The following KCNN2 variants were observed in gnomAD, a reference collection of about 807,000 sequenced individuals.
The protein encoded by KCNN2 is small conductance calcium-activated potassium channel protein 2.
In KCNN2, 24 loss-of-function variants were observed where a neutral mutation model predicts 55.5. The ratio of observed to expected loss-of-function variants is 0.43; its 90% CI spans 0.31 to 0.61. The LOEUF is 0.61. Among genes scored for constraint, KCNN2 ranks in the 20% least tolerant of loss-of-function variants. KCNN2 has a pLI of 0.08. For synonymous variants in KCNN2, 431 were observed against 336.1 expected (o/e 1.28, Z -3.09); for missense variants, 754 against 853.6 (o/e 0.88, Z 1.45).
intron 2 of KCNN2, among the ~76,000 whole-genome samples, chr5:114,243,264 T>G (rs1754680157): frequency 6.6e-6 from 1 of 152,172 alleles, no homozygotes; most frequent in South Asian, 2.1e-4. Flanking sequence ...CTGTGTAACA[T>G]AGCAACTCAC....
intron 2 of KCNN2, among the ~76,000 whole-genome samples, chr5:114,345,503 G>T (rs1757089440): frequency 6.6e-6 from 1 of 152,124 alleles, no homozygotes; most frequent in African/African-American, 2.4e-5. Flanking sequence ...CCAGGATGTA[G>T]GTGAAATAAA....
At chr5:114,141,518 G>A (rs914078264) in intron 1 of KCNN2, among the ~76,000 whole-genome samples, 3 of 152,016 alleles carry the variant, frequency 2.0e-5, no homozygotes, top group African/African-American at 4.8e-5. Context: ...CAATTTCTTA[G>A]TCCAGTCTAT....
At chr5:114,079,229 T>G (rs75071785) in intron 1 of KCNN2, among the ~76,000 whole-genome samples, 2,384 of 152,286 alleles carry the variant, frequency 0.016, 56 homozygotes, top group African/African-American at 0.054. Flanking sequence ...TAATGATTTT[T>G]GCAATTCAGA....
chr5:114,272,421 A>ATATATG (rs869259226), intron 2 of KCNN2, among the ~76,000 whole-genome samples: 677 of 10,818 alleles, frequency 0.063, 59 homozygotes, highest in Middle Eastern at 0.1. Flanking sequence ...ATCTACACAC[A>ATATATG]TATGTACGTA....
At chr5:114,266,010 A>G (rs1252581149) in intron 2 of KCNN2, among the ~76,000 whole-genome samples, 2 of 152,220 alleles carry the variant, frequency 1.3e-5, no homozygotes, top group African/African-American at 2.4e-5. Flanking sequence ...AGCCACATGC[A>G]TAATGTTAGT....
chr5:114,074,329 T>TGTGTGTGTGTGCGC (rs1200712655), intron 1 of KCNN2, among the ~76,000 whole-genome samples: 1 of 138,668 alleles, frequency 7.2e-6, no homozygotes, highest in African/African-American at 2.9e-5. Context: ...TGTGTGTGTG[T>TGTGTGTGTGTGCGC]GCGCGCGCGC....
At chr5:114,133,203 A>AT (rs368521404) in intron 1 of KCNN2, among the ~76,000 whole-genome samples, 42 of 149,384 alleles carry the variant, frequency 2.8e-4, no homozygotes, top group Middle Eastern at 3.4e-3. Context: ...TTCCCATCAG[A>AT]TTTTTTTTTT....
Position 114,473,169 on chromosome 5 carries a change from GT to G in KCNN2, c.1890+7del. On this transcript the variant is annotated splice_donor_region_variant and intron_variant, in intron 5 of 7. Transcript: ENST00000673685. Reference sequence around the variant, plus strand: ...GATACTCAGCTGACTAAAAGAGTAAGTTACTATCCATATATCTTCAAAGAGA... The same window carrying G: ...GATACTCAGCTGACTAAAAGAGTAAGTACTATCCATATATCTTCAAAGAGA... 6.6e-7 allele frequency: 1 copy of G among 1,509,576 alleles called. No homozygotes were observed. The highest frequency in any genetic ancestry group is 9.2e-7 in the Non-Finnish European group (1 of 1,088,172). The allele number at this position is 1,509,576 out of a possible 1,614,324, so 93.5% of individuals were successfully genotyped here.
intron 2 of KCNN2, among the ~76,000 whole-genome samples, chr5:114,292,509 T>C (rs1048967267): frequency 3.9e-5 from 6 of 152,284 alleles, no homozygotes; most frequent in African/African-American, 1.4e-4. Flanking sequence ...TGTAGATATG[T>C]GGCATTATTT....
At chr5:114,202,290 C>T (rs1753688292) in intron 1 of KCNN2, among the ~76,000 whole-genome samples, 1 of 152,034 alleles carries the variant, frequency 6.6e-6, no homozygotes, top group Non-Finnish European at 1.5e-5. Context: ...CTGAGGGTTT[C>T]TCTCACAGCC....
At chr5:114,446,886 A>G (rs1044497540) in intron 3 of KCNN2, among the ~76,000 whole-genome samples, 1 of 152,204 alleles carries the variant, frequency 6.6e-6, no homozygotes, top group Non-Finnish European at 1.5e-5. Context: ...TGGGTGACAG[A>G]GCAAGACTCT....
intron 2 of KCNN2, among the ~76,000 whole-genome samples, chr5:114,355,290 C>T (rs1359686752): frequency 1.3e-5 from 2 of 152,132 alleles, no homozygotes; most frequent in Admixed American, 1.3e-4. Context: ...AGAGAACTTA[C>T]AGGGCTGTGA....
At position 114,089,259 on chromosome 5, in the gene KCNN2, T is replaced by C. The variant is rs1396865269; in HGVS notation, c.-271+32759T>C. 2.0e-5 allele frequency among the ~76,000 whole-genome samples: 3 copies of C among 152,356 alleles called. No homozygotes were observed. The East Asian group carries it at 5.8e-4, about 29-fold the overall frequency. ...CTGCTCATGAATGAGCTTGATACTT[T>C]TGAGACTTAAGCTTTGTTTGGGTAG... On this transcript the variant is annotated intron_variant, in intron 1 of 10. Transcript: ENST00000512097.
intron 2 of KCNN2, among the ~76,000 whole-genome samples, chr5:114,346,076 T>C (rs1440701299): frequency 3.9e-5 from 6 of 152,176 alleles, no homozygotes; most frequent in Non-Finnish European, 7.3e-5. Flanking sequence ...GCCACAGTGC[T>C]CAGCCCTCAG....
At chr5:114,274,464 A>G (rs1460938215) in intron 2 of KCNN2, among the ~76,000 whole-genome samples, 2 of 152,188 alleles carry the variant, frequency 1.3e-5, no homozygotes, top group Non-Finnish European at 2.9e-5. Context: ...TTTCCTATCC[A>G]TGAGCATGGA....
intron 2 of KCNN2, among the ~76,000 whole-genome samples, chr5:114,321,662 TTG>T (rs1319031693): frequency 3.4e-5 from 5 of 145,862 alleles, no homozygotes; most frequent in Admixed American, 6.9e-5. Context: ...TTTTTTTTTT[TTG>T]TTGTTGTTTG....
At chr5:114,268,186 A>G (rs1024256133) in intron 2 of KCNN2, among the ~76,000 whole-genome samples, 2 of 152,230 alleles carry the variant, frequency 1.3e-5, no homozygotes, top group African/African-American at 4.8e-5. Flanking sequence ...AGAACTGATG[A>G]ATAGAGAAAG....
At chr5:114,101,089 A>G (rs1378838056) in intron 1 of KCNN2, among the ~76,000 whole-genome samples, 1 of 151,946 alleles carries the variant, frequency 6.6e-6, no homozygotes. Context: ...TTGGATATTA[A>G]AGCTCTGTCC....
At chr5:114,319,845 AT>A (rs1419069370) in intron 2 of KCNN2, among the ~76,000 whole-genome samples, 1 of 152,192 alleles carries the variant, frequency 6.6e-6, no homozygotes, top group Non-Finnish European at 1.5e-5. Context: ...ATTCTATAAT[AT>A]TTTTATGTGC....
Sources: gnomAD v4.1 joint callset for allele counts (sites outside exome capture counted in the v4.1 genomes callset) on GRCh38, gnomAD v4.1.1 for gene constraint, MANE v1.5 for transcripts, NCBI Gene and HGNC (gene_info 2026-07-23, HGNC 2026-07-21) for gene names.